RDH11: variants seen among roughly 807,000 people sequenced by gnomAD.
RDH11 encodes the protein HCV core-binding protein HCBP12.
Under a neutral mutation model 33.4 loss-of-function variants are expected in RDH11, and 19 were observed. That is an observed-to-expected ratio of 0.57 (90% CI 0.40 to 0.83). RDH11 has a LOEUF of 0.83. Among genes scored for constraint, RDH11 ranks in the 40% least tolerant of loss-of-function variants. The probability of loss-of-function intolerance (pLI) is 0.00; values close to 1 mark genes in which losing one functional copy is unlikely to be tolerated. For synonymous variants in RDH11, 154 were observed against 155.3 expected (o/e 0.99, Z 0.06); for missense variants, 353 against 389.0 (o/e 0.91, Z 0.78).
chr14:67,687,127 C>T (rs1247939436), intron 5 of RDH11, among the ~76,000 whole-genome samples: 2 of 152,208 alleles, frequency 1.3e-5, no homozygotes, highest in Admixed American at 6.5e-5. Flanking sequence ...AACCAAATCT[C>T]TCTCAGAAGT....
At chr14:67,692,730 A>G (rs1330803569) in intron 2 of RDH11, 137 bp from the exon 3 acceptor site, 2 of 1,048,778 alleles carry the variant, frequency 1.9e-6, no homozygotes, top group Non-Finnish European at 2.8e-6. Flanking sequence ...CTGATTAGCA[A>G]ATAGGTAAAG....
intron 5 of RDH11, 88 bp downstream of exon 5, chr14:67,690,124 G>A: frequency 1.7e-6 from 2 of 1,154,594 alleles, no homozygotes; most frequent in Non-Finnish European, 2.6e-6. Flanking sequence ...CTCTCCAGGT[G>A]ATGGGCTCTG....
intron 5 of RDH11, among the ~76,000 whole-genome samples, chr14:67,686,671 A>G (rs1015920137): frequency 2.1e-4 from 31 of 148,860 alleles, no homozygotes; most frequent in South Asian, 4.2e-4. Flanking sequence ...TGCCTGATGC[A>G]TGGTAAGTGC....
At chr14:67,694,792 ACTGTGAT>A (rs1476238582) in intron 1 of RDH11, among the ~76,000 whole-genome samples, 1 of 152,000 alleles carries the variant, frequency 6.6e-6, no homozygotes, top group East Asian at 1.9e-4. Flanking sequence ...GTAAGAAATG[ACTGTGAT>A]CTGGCCTGGC....
At chr14:67,687,467 CTTTTTTTT>C (rs67069556) in intron 5 of RDH11, among the ~76,000 whole-genome samples, 10 of 79,696 alleles carry the variant, frequency 1.3e-4, no homozygotes, top group Non-Finnish European at 2.6e-4. Flanking sequence ...CTCCATATTC[CTTTTTTTT>C]TTTTTTTTTT....
At chr14:67,691,287 G>C in intron 3 of RDH11, 43 bp from the exon 4 acceptor site, 1 of 1,399,118 alleles carries the variant, frequency 7.1e-7, no homozygotes, top group Non-Finnish European at 1.0e-6. Flanking sequence ...GCTAGCCAAG[G>C]CTATTACATC....
At position 67,692,960 on chromosome 14, in the gene RDH11, T is replaced by C. The variant is rs1357639902; in HGVS notation, c.167A>G (p.Glu56Gly). ...TCTCTGAGCCAGCTCTTTGGCTGTCTCCTTCCCGATACCTGTATTAGCTCC... is the reference window on the plus strand; with the variant it reads ...TCTCTGAGCCAGCTCTTTGGCTGTCCCCTTCCCGATACCTGTATTAGCTCC... ...VTGANTGIGKETAKELAQRGA... is the reference protein window; with the variant it reads ...VTGANTGIGKGTAKELAQRGA... Residue 56 changes from glutamate to glycine, a missense_variant, in exon 2 of 7, where the codon GAG becomes GGG. Coordinates refer to ENST00000381346, the MANE Select transcript of RDH11 (RefSeq NM_016026.4). 1.7e-5 allele frequency: 28 copies of C among 1,613,760 alleles called. No homozygotes were observed. Among genetic ancestry groups the C allele is most frequent in the Non-Finnish European group, 2.4e-5 (28 of 1,179,808 alleles).
At chr14:67,688,598 CTTTT>C (rs34047695) in intron 5 of RDH11, among the ~76,000 whole-genome samples, 6 of 136,522 alleles carry the variant, frequency 4.4e-5, no homozygotes, top group Admixed American at 7.4e-5. Flanking sequence ...GCTTTGAACT[CTTTT>C]TTTTTTTTTT....
intron 5 of RDH11, among the ~76,000 whole-genome samples, chr14:67,686,709 C>CAAAGCACATGCTTTATGCTATTACATAA (rs2037683715): frequency 6.6e-6 from 1 of 150,518 alleles, no homozygotes; most frequent in Non-Finnish European, 1.5e-5. Context: ...CATGCTATTT[C>CAAAGCACATGCTTTATGCTATTACATAA]AGGCCCCCAA....
intron 5 of RDH11, among the ~76,000 whole-genome samples, chr14:67,687,752 T>C (rs2037699217): frequency 6.6e-6 from 1 of 150,902 alleles, no homozygotes; most frequent in African/African-American, 2.4e-5. Context: ...ATTACAAGCA[T>C]GAGCCACCAC....
rs753387923 is a variant in RDH11 at position 67,695,681 on chromosome 14, A to G, written c.23T>C (p.Leu8Pro). Reference protein sequence around the residue: MVELMFPLLLLLLPFLLY... With the variant: MVELMFPPLLLLLPFLLY... The stretch of plus-strand genomic sequence containing the variant: ...AAGGAAGGGCAGAAGGAGGAGCAAC[A>G]GCGGGAACATGAGCTCAACCATCTC... Residue 8 changes from leucine to proline, a missense_variant, in exon 1 of 7, where the codon CTG becomes CCG. Coordinates refer to ENST00000381346, the MANE Select transcript of RDH11 (RefSeq NM_016026.4). 43 of 1,614,108 alleles carry G rather than the reference A, an allele frequency of 2.7e-5. No homozygotes were observed. In the East Asian group the frequency reaches 8.0e-4, roughly 30 times the overall value.
chr14:67,690,095 A>T, intron 5 of RDH11, 117 bp downstream of exon 5: 1 of 809,516 alleles, frequency 1.2e-6, no homozygotes, highest in Non-Finnish European at 2.0e-6. Flanking sequence ...GTACCCAATT[A>T]TAGCCACGGA....
intron 6 of RDH11, among the ~76,000 whole-genome samples, chr14:67,679,030 T>A (rs1363980211): frequency 6.6e-6 from 1 of 152,142 alleles, no homozygotes; most frequent in African/African-American, 2.4e-5. Flanking sequence ...ACTGGGTAAC[T>A]ATAATGAGCA....
chr14:67,693,263 G>A (rs2037778229), intron 1 of RDH11, among the ~76,000 whole-genome samples: 1 of 152,226 alleles, frequency 6.6e-6, no homozygotes, highest in African/African-American at 2.4e-5. Flanking sequence ...TCTATTACAA[G>A]GGCAAAGCTT....
chr14:67,691,385 T>C (rs2140080586), intron 3 of RDH11, 141 bp from the exon 4 acceptor site: 5 of 615,020 alleles, frequency 8.1e-6, no homozygotes, highest in Non-Finnish European at 1.4e-5. Context: ...TTATTTTCTA[T>C]TGTTTTTCAT....
At chr14:67,683,217 A>G (rs8013234) in intron 6 of RDH11, among the ~76,000 whole-genome samples, 6,546 of 152,306 alleles carry the variant, frequency 0.043, 261 homozygotes, top group East Asian at 0.14. Context: ...AGTCAATCCA[A>G]TAGTAAGTTA....
intron 3 of RDH11, chr14:67,691,898 TTGG>T (rs2037755218): frequency 6.5e-6 from 1 of 154,230 alleles, no homozygotes; most frequent in Non-Finnish European, 1.4e-5. Flanking sequence ...CTCATATCAT[TTGG>T]TGGTACGAAT....
chr14:67,693,094 T>TG, intron 1 of RDH11, 42 bp from the exon 2 acceptor site: 1 of 1,423,112 alleles, frequency 7.0e-7, no homozygotes, highest in Non-Finnish European at 9.8e-7. Flanking sequence ...TTCATTCTAC[T>TG]GTCTCAGCCA....
At chr14:67,687,376 C>T (rs949336605) in intron 5 of RDH11, among the ~76,000 whole-genome samples, 1 of 151,844 alleles carries the variant, frequency 6.6e-6, no homozygotes, top group Non-Finnish European at 1.5e-5. Flanking sequence ...CTACAACCTA[C>T]CAATGGTAAC....
Sources: gnomAD v4.1 joint callset for allele counts (sites outside exome capture counted in the v4.1 genomes callset) on GRCh38, gnomAD v4.1.1 for gene constraint, MANE v1.5 for transcripts, NCBI Gene and HGNC (gene_info 2026-07-23, HGNC 2026-07-21) for gene names.